The following KRABD2 variants were observed in gnomAD, a reference collection of about 807,000 sequenced individuals.
The protein encoded by KRABD2 is KRAB domain containing 2.
At chr17:8,376,637 GAGAA>G in the KRABD2 span, 9 of 985,688 alleles carry the variant, frequency 9.1e-6, no homozygotes, top group Non-Finnish European at 1.1e-5. Flanking sequence ...GGTCAGGAAG[GAGAA>G]AGGGACACAC....
chr17:8,363,844 T>TATATATCATAC, the KRABD2 span, among the ~76,000 whole-genome samples: 2 of 84,056 alleles, frequency 2.4e-5, no homozygotes, highest in African/African-American at 8.9e-5. Context: ...TATATATATA[T>TATATATCATAC]ATATATATAT....
At chr17:8,363,861 ATT>A in the KRABD2 span, among the ~76,000 whole-genome samples, 4,055 of 61,016 alleles carry the variant, frequency 0.066, 82 homozygotes, top group African/African-American at 0.085. Flanking sequence ...ATATATATAT[ATT>A]TATTTATTTA....
the KRABD2 span, chr17:8,369,104 C>G: frequency 1.2e-5 from 19 of 1,586,668 alleles, no homozygotes; most frequent in African/African-American, 2.6e-4. Context: ...CAGAGAGACA[C>G]CTGTGACTGT....
At chr17:8,368,525 T>G in the KRABD2 span, 1 of 152,178 alleles carries the variant, frequency 6.6e-6, no homozygotes, top group Non-Finnish European at 1.5e-5. Flanking sequence ...ATGGAATGGA[T>G]TCTCCCCCAG....
the KRABD2 span, chr17:8,370,210 A>G: frequency 6.2e-7 from 1 of 1,613,082 alleles, no homozygotes; most frequent in Non-Finnish European, 8.5e-7. Flanking sequence ...GTTTGAAAGT[A>G]CTTTTCTTTG....
chr17:8,359,984 C>A, the KRABD2 span: 1 of 385,220 alleles, frequency 2.6e-6, no homozygotes, highest in South Asian at 1.9e-5. Flanking sequence ...GAATGACTCA[C>A]CAAAGTTAGG....
At chr17:8,374,963 A>AAAAAAAAAAAAAAAAC in the KRABD2 span, among the ~76,000 whole-genome samples, 1 of 149,766 alleles carries the variant, frequency 6.7e-6, no homozygotes, top group Non-Finnish European at 1.5e-5. Context: ...AAAAAAAAAA[A>AAAAAAAAAAAAAAAAC]ATTCAATGTT....
At chr17:8,359,615 G>A in the KRABD2 span, 1 of 456,036 alleles carries the variant, frequency 2.2e-6, no homozygotes, top group Non-Finnish European at 4.4e-6. Flanking sequence ...GCTGGTCCAG[G>A]AAAAGCCCAG....
the KRABD2 span, among the ~76,000 whole-genome samples, chr17:8,363,844 T>TC: frequency 2.4e-5 from 2 of 84,054 alleles, no homozygotes; most frequent in African/African-American, 8.9e-5. Context: ...TATATATATA[T>TC]ATATATATAT....
chr17:8,371,192 G>T, the KRABD2 span: 1 of 926,240 alleles, frequency 1.1e-6, no homozygotes, highest in South Asian at 1.8e-5. Flanking sequence ...TCTTATGGCT[G>T]AGGAGTCTGT....
the KRABD2 span, chr17:8,371,483 G>C: frequency 1.2e-6 from 2 of 1,612,014 alleles, no homozygotes; most frequent in Non-Finnish European, 1.7e-6. Context: ...CTAAAGAGCA[G>C]CTTCAGCAGG....
At chr17:8,369,590 CA>C in the KRABD2 span, 1 of 1,614,262 alleles carries the variant, frequency 6.2e-7, no homozygotes, top group Non-Finnish European at 8.5e-7. Flanking sequence ...GGTCTGGCCA[CA>C]ACTCATTGAG....
the KRABD2 span, among the ~76,000 whole-genome samples, chr17:8,370,645 A>C: frequency 6.6e-6 from 1 of 152,242 alleles, no homozygotes; most frequent in Non-Finnish European, 1.5e-5. Flanking sequence ...CAGCAAAAAC[A>C]ATGAAGTCAT....
the KRABD2 span, among the ~76,000 whole-genome samples, chr17:8,367,963 A>G: frequency 1.3e-5 from 2 of 150,314 alleles, no homozygotes; most frequent in Non-Finnish European, 3.0e-5. Context: ...AGAGCAAAAA[A>G]AAAAAAAAAA....
At chr17:8,363,768 C>A in the KRABD2 span, among the ~76,000 whole-genome samples, 1 of 143,240 alleles carries the variant, frequency 7.0e-6, no homozygotes, top group African/African-American at 2.6e-5. Context: ...ATATATATAT[C>A]ATACATATAT....
At chr17:8,374,325 C>T in the KRABD2 span, among the ~76,000 whole-genome samples, 1 of 152,062 alleles carries the variant, frequency 6.6e-6, no homozygotes, top group African/African-American at 2.4e-5. Context: ...ATAACCTTAC[C>T]CCCAACCCCG....
the KRABD2 span, chr17:8,368,636 ATTT>A: frequency 5.7e-5 from 8 of 140,240 alleles, no homozygotes; most frequent in Admixed American, 1.4e-4. Context: ...TGTGGTGGTA[ATTT>A]TTTTTTTTTT....
the KRABD2 span, among the ~76,000 whole-genome samples, chr17:8,362,187 G>A: frequency 1.3e-5 from 2 of 152,026 alleles, no homozygotes; most frequent in African/African-American, 4.8e-5. The surrounding 1 kb of genome is among the most constrained non-coding windows in gnomAD (Gnocchi z 4.2). Flanking sequence ...CAAAATAGCC[G>A]GGCGTGTTGG....
the KRABD2 span, among the ~76,000 whole-genome samples, chr17:8,372,842 T>C: frequency 4.6e-5 from 7 of 152,166 alleles, no homozygotes; most frequent in African/African-American, 4.8e-5. The surrounding 1 kb of genome is among the most constrained non-coding windows in gnomAD (Gnocchi z 4.1). Flanking sequence ...GGTGAGAGGA[T>C]TGCTTGAGGC....
Sources: allele counts gnomAD v4.1 joint callset (sites outside exome capture counted in the v4.1 genomes callset), GRCh38; gene constraint gnomAD v4.1.1; non-coding constraint Gnocchi (gnomAD v3.1); transcripts MANE v1.5; gene names NCBI Gene and HGNC (gene_info 2026-07-23, HGNC 2026-07-21).